Variants in INSR observed in about 807,000 individuals in gnomAD.
The protein encoded by INSR is IR.
Under a neutral mutation model 142.6 loss-of-function variants are expected in INSR, and 67 were observed. That is an observed-to-expected ratio of 0.47 (90% CI 0.39 to 0.58). The LOEUF (loss-of-function observed/expected upper bound fraction) is 0.58. Among genes scored for constraint, INSR ranks in the 20% least tolerant of loss-of-function variants. The pLI, the probability that INSR is intolerant of heterozygous loss-of-function variation, is 0.00. For missense variants in INSR, 1,248 were observed against 1,833.2 expected (o/e 0.68, Z 5.83); for synonymous variants, 756 against 743.1 (o/e 1.02, Z -0.28).
At chr19:7,170,039 T>A (rs887680951) in intron 6 of INSR, among the ~76,000 whole-genome samples, 1 of 152,218 alleles carries the variant, frequency 6.6e-6, no homozygotes, top group Middle Eastern at 3.4e-3. Flanking sequence ...CCAGTACTTA[T>A]CCATGGCCTG....
intron 7 of INSR, among the ~76,000 whole-genome samples, chr19:7,167,229 T>C (rs1473407939): frequency 6.6e-6 from 1 of 152,196 alleles, no homozygotes. Context: ...GATTAGACTG[T>C]GTGTCAGTGC....
At chr19:7,193,458 G>A (rs539094792) in intron 2 of INSR, among the ~76,000 whole-genome samples, 27 of 151,450 alleles carry the variant, frequency 1.8e-4, no homozygotes, top group Admixed American at 1.6e-3. Flanking sequence ...GTTGCAGTGA[G>A]CTGAGATCAC....
intron 3 of INSR, among the ~76,000 whole-genome samples, chr19:7,183,560 A>T (rs1410586881): frequency 3.9e-5 from 6 of 152,044 alleles, no homozygotes; most frequent in Non-Finnish European, 8.8e-5. Flanking sequence ...CCTCCTGGAG[A>T]CAGTATGTTC....
intron 10 of INSR, 84 bp downstream of exon 10, chr19:7,152,642 T>TTG (rs755991906): frequency 8.0e-5 from 90 of 1,130,468 alleles, no homozygotes; most frequent in Non-Finnish European, 1.2e-4. Context: ...TGGGTCCCAC[T>TTG]ACCTCTCGGT....
chr19:7,237,898 T>C (rs1289901815), intron 2 of INSR, among the ~76,000 whole-genome samples: 1 of 152,124 alleles, frequency 6.6e-6, no homozygotes, highest in Non-Finnish European at 1.5e-5. Context: ...CTCAGATAGT[T>C]CTTTATAGCA....
rs981973554 is a variant in INSR at position 7,150,214 on chromosome 19, T to C, written c.2267+283A>G. On this transcript the variant is annotated intron_variant, in intron 11 of 21. Transcript: ENST00000302850. The surrounding 1 kb of genome is among the most constrained non-coding windows in gnomAD (Gnocchi z 4.2). ...GCAGAGATGTTTAGTGAGCAAACAG[T>C]GGCTGCAAACAGAAGGCAGGGAGGG... Among the ~76,000 whole-genome samples the C allele has an allele frequency of 2.0e-5, 3 of 152,072 alleles. No individual in the cohort carries two copies. Among genetic ancestry groups the C allele is most frequent in the African/African-American group, 7.2e-5 (3 of 41,422 alleles).
intron 1 of INSR, among the ~76,000 whole-genome samples, chr19:7,291,672 C>G (rs1435300143): frequency 6.6e-6 from 1 of 152,190 alleles, no homozygotes; most frequent in Non-Finnish European, 1.5e-5. Context: ...AATCCATTTA[C>G]TGACCCTGAA....
intron 14 of INSR, among the ~76,000 whole-genome samples, chr19:7,130,876 T>G (rs904240598): frequency 6.0e-5 from 9 of 151,126 alleles, no homozygotes; most frequent in Non-Finnish European, 1.2e-4. Context: ...TCTTTCACTC[T>G]TTCTTTCTTT....
intron 2 of INSR, among the ~76,000 whole-genome samples, chr19:7,250,162 AAAAG>A (rs1350521393): frequency 6.6e-6 from 1 of 151,352 alleles, no homozygotes; most frequent in Non-Finnish European, 1.5e-5. Flanking sequence ...CTGTCGAAAG[AAAAG>A]AAAGAAAGAA....
intron 1 of INSR, among the ~76,000 whole-genome samples, chr19:7,286,822 A>G (rs1348203167): frequency 1.3e-5 from 2 of 151,944 alleles, no homozygotes; most frequent in Non-Finnish European, 1.5e-5. Flanking sequence ...GCTGCAAAAT[A>G]TCAACCAGGC....
At chr19:7,133,978 G>A (rs1203742567) in intron 13 of INSR, among the ~76,000 whole-genome samples, 1 of 152,154 alleles carries the variant, frequency 6.6e-6, no homozygotes, top group Non-Finnish European at 1.5e-5. Flanking sequence ...CTGACCCCTG[G>A]TTTAAGAGAT....
rs147889782 is a variant in INSR at position 7,156,052 on chromosome 19, C to CTT, written c.2030-3127_2030-3126dup. Among the ~76,000 whole-genome samples the CTT allele has an allele frequency of 9.4e-4, 63 of 67,378 alleles. 3 individuals carry two copies. The highest frequency in any genetic ancestry group is 1.4e-3 in the South Asian group (2 of 1,410). 44.2% of individuals were successfully genotyped at this position (67,378 alleles called of 152,430 possible). A position where few individuals can be genotyped will look rare whatever the true frequency, so the allele number is the denominator to read the frequency against. ...GCAGAGTAGAATGCCATATGGAATT[C>CTT]TTTTTTTTTTTTTTTTTTTTTTTTT... On this transcript the variant is annotated intron_variant, in intron 9 of 21. Coordinates refer to ENST00000302850, the MANE Select transcript of INSR (RefSeq NM_000208.4).
At chr19:7,137,126 C>T (rs72990442) in intron 13 of INSR, among the ~76,000 whole-genome samples, 11,061 of 151,872 alleles carry the variant, frequency 0.073, 578 homozygotes, top group African/African-American at 0.14. Flanking sequence ...GCCACTGCTC[C>T]TGGCCTAAAA....
At chr19:7,230,212 T>C (rs531910371) in intron 2 of INSR, among the ~76,000 whole-genome samples, 1 of 152,094 alleles carries the variant, frequency 6.6e-6, no homozygotes, top group African/African-American at 2.4e-5. Flanking sequence ...GGAAGATGGA[T>C]TTGAAGGCCA....
At chr19:7,203,182 A>G (rs1243767042) in intron 2 of INSR, among the ~76,000 whole-genome samples, 1 of 152,048 alleles carries the variant, frequency 6.6e-6, no homozygotes, top group African/African-American at 2.4e-5. Flanking sequence ...GCTGTGTTGG[A>G]GTCTTCTCCG....
At position 7,252,960 on chromosome 19, in the gene INSR, A is replaced by G. The variant is rs1042629942; in HGVS notation, c.652+14385T>C. On this transcript the variant is annotated intron_variant, in intron 2 of 21. Transcript: ENST00000302850. ...GAAACCCTGTCTCTACTAAAATACA[A>G]AAAAATTAGCCGGGCGTGGTGGCGG... is the stretch of plus-strand genomic sequence containing the variant. Among the ~76,000 whole-genome samples the G allele has an allele frequency of 3.9e-5, 6 of 152,020 alleles. No homozygotes were observed. The East Asian group carries it at 1.2e-3, about 30-fold the overall frequency.
intron 2 of INSR, among the ~76,000 whole-genome samples, chr19:7,193,386 C>A (rs1390266469): frequency 2.0e-5 from 3 of 151,824 alleles, no homozygotes; most frequent in African/African-American, 7.3e-5. Flanking sequence ...GTGTCGCGCA[C>A]CTGTAGTCTC....
chr19:7,222,438 G>C (rs547156832), intron 2 of INSR, among the ~76,000 whole-genome samples: 20 of 152,164 alleles, frequency 1.3e-4, no homozygotes, highest in Admixed American at 2.6e-4. Context: ...CTGTTGTCCT[G>C]GCTGGTGTTC....
At chr19:7,265,017 G>T (rs1463332114) in intron 2 of INSR, among the ~76,000 whole-genome samples, 1 of 152,124 alleles carries the variant, frequency 6.6e-6, no homozygotes, top group Admixed American at 6.5e-5. Context: ...GCTCAGATAA[G>T]AAGATCCTCC....
Sources: gnomAD v4.1 joint callset for allele counts (sites outside exome capture counted in the v4.1 genomes callset) on GRCh38, gnomAD v4.1.1 for gene constraint, Gnocchi (gnomAD v3.1) non-coding constraint, MANE v1.5 for transcripts, NCBI Gene and HGNC (gene_info 2026-07-23, HGNC 2026-07-21) for gene names.